MAD1L1: variants seen among roughly 807,000 people sequenced by gnomAD.
The protein encoded by MAD1L1 is mitotic spindle assembly checkpoint protein MAD1.
A neutral mutation model predicts 96.9 loss-of-function variants in MAD1L1; 95 were observed. The observed-to-expected ratio is 0.98, with a 90% CI of 0.83 to 1.16. MAD1L1 has a LOEUF of 1.16. Ranked by LOEUF, MAD1L1 falls within the 50% of genes most tolerant of loss-of-function variation. The probability of loss-of-function intolerance (pLI) is 0.00; values close to 1 mark genes in which losing one functional copy is unlikely to be tolerated. For missense variants in MAD1L1, 1,007 were observed against 954.4 expected, an observed-to-expected ratio of 1.06 and a Z score of -0.73; for synonymous variants, 473 against 396.6, an observed-to-expected ratio of 1.19 and a Z score of -2.29.
chr7:1,914,488 G>C (rs1788246340), intron 17 of MAD1L1, among the ~76,000 whole-genome samples: 2 of 152,346 alleles, frequency 1.3e-5, no homozygotes, highest in South Asian at 4.1e-4. Flanking sequence ...GGGTGCTTCT[G>C]GGAGCCAGAA....
At chr7:2,181,397 A>G (rs13224212) in intron 10 of MAD1L1, among the ~76,000 whole-genome samples, 22,025 of 152,308 alleles carry the variant, frequency 0.14, 1,825 homozygotes, top group Middle Eastern at 0.27. Context: ...CACGTTAGCC[A>G]TGAGAAATAC....
chr7:2,209,553 C>G (rs1185512239), intron 10 of MAD1L1, among the ~76,000 whole-genome samples: 2 of 152,226 alleles, frequency 1.3e-5, no homozygotes, highest in African/African-American at 2.4e-5. Flanking sequence ...GACCAAAACC[C>G]CAGTGTCAGC....
intron 10 of MAD1L1, among the ~76,000 whole-genome samples, chr7:2,204,488 GA>G (rs1387644662): frequency 6.6e-6 from 1 of 152,188 alleles, no homozygotes; most frequent in East Asian, 1.9e-4. Flanking sequence ...AGACTCCAGG[GA>G]TCACTGACCT....
At chr7:2,027,501 C>G (rs1783042197) in intron 12 of MAD1L1, among the ~76,000 whole-genome samples, 1 of 152,170 alleles carries the variant, frequency 6.6e-6, no homozygotes, top group Non-Finnish European at 1.5e-5. Flanking sequence ...GAGCATAACC[C>G]ATAGGCCATG....
chr7:1,911,140 G>C (rs541319551), intron 17 of MAD1L1, among the ~76,000 whole-genome samples: 1 of 151,956 alleles, frequency 6.6e-6, no homozygotes, highest in African/African-American at 2.4e-5. Context: ...TCCATCCCCC[G>C]CACCCCTTGA....
rs137892019 is a variant in MAD1L1, at chr7:1,822,849, G to A, written c.1999-6621C>T. The stretch of plus-strand genomic sequence containing the variant: ...TGATGTTGAGAACCGTACAGCTACA[G>A]CACAGCGTTATACGGCTCCTACGTC... On this transcript the variant is annotated intron_variant, in intron 18 of 18. Transcript: ENST00000265854. Among the ~76,000 whole-genome samples, 704 of 151,712 alleles carry A rather than the reference G, an allele frequency of 4.6e-3. 17 individuals carry two copies. The highest frequency in any genetic ancestry group is 0.04 in the Admixed American group (601 of 15,200).
chr7:1,948,788 C>T (rs1190633752), intron 16 of MAD1L1, among the ~76,000 whole-genome samples: 1 of 152,140 alleles, frequency 6.6e-6, no homozygotes, highest in East Asian at 1.9e-4. Flanking sequence ...AGGCTGAGAC[C>T]AGATCACCCT....
intron 10 of MAD1L1, among the ~76,000 whole-genome samples, chr7:2,205,302 G>A (rs910134693): frequency 6.6e-6 from 1 of 152,074 alleles, no homozygotes; most frequent in Non-Finnish European, 1.5e-5. Flanking sequence ...CTCTTCTACA[G>A]TGCCTGCTAC....
intron 10 of MAD1L1, among the ~76,000 whole-genome samples, chr7:2,155,836 G>C (rs563413066): frequency 6.6e-6 from 1 of 152,206 alleles, no homozygotes; most frequent in Non-Finnish European, 1.5e-5. Context: ...GGCACTGACA[G>C]AGCATCCCCT....
chr7:1,894,966 G>A lies in MAD1L1; in HGVS notation c.1998+3234C>T, dbSNP rs1583687134. Reference sequence around the variant, plus strand: ...TTAGGCCCCCTGGGGACCCTCAAGGGACAACGAACCCAACAGGATAAAACC... The same window carrying A: ...TTAGGCCCCCTGGGGACCCTCAAGGAACAACGAACCCAACAGGATAAAACC... On this transcript the variant is annotated intron_variant, in intron 18 of 18. Transcript: ENST00000265854. 2.0e-5 allele frequency among the ~76,000 whole-genome samples: 3 copies of A among 152,276 alleles called. No homozygotes were observed. In the Middle Eastern group the frequency reaches 0.01, roughly 518 times the overall value.
chr7:2,165,463 A>G (rs188728524), intron 10 of MAD1L1, among the ~76,000 whole-genome samples: 1 of 151,900 alleles, frequency 6.6e-6, no homozygotes, highest in African/African-American at 2.4e-5. Context: ...ACCCACGGTC[A>G]CACTCTGGGA....
intron 12 of MAD1L1, among the ~76,000 whole-genome samples, chr7:2,053,813 C>T (rs573015164): frequency 2.0e-5 from 3 of 152,344 alleles, no homozygotes; most frequent in African/African-American, 7.2e-5. Flanking sequence ...ATTAAGTGGA[C>T]GCAGGCCATG....
chr7:2,213,583 G>A (rs1056062012), intron 9 of MAD1L1, among the ~76,000 whole-genome samples: 1 of 152,210 alleles, frequency 6.6e-6, no homozygotes, highest in Non-Finnish European at 1.5e-5. Flanking sequence ...AAAGGATCCT[G>A]GGGTTGACTG....
intron 11 of MAD1L1, among the ~76,000 whole-genome samples, chr7:2,113,256 T>C (rs796942139): frequency 2.6e-5 from 4 of 152,228 alleles, no homozygotes; most frequent in African/African-American, 9.6e-5. Context: ...GATGCACCAA[T>C]AGATGCTTGA....
chr7:2,000,114 C>T (rs1280826955), intron 14 of MAD1L1, among the ~76,000 whole-genome samples: 1 of 152,044 alleles, frequency 6.6e-6, no homozygotes, highest in Non-Finnish European at 1.5e-5. Flanking sequence ...GTGCATCCAA[C>T]GTGTGGCAGG....
At position 2,146,830 on chromosome 7, in the gene MAD1L1, C is replaced by T. The variant is rs1029300086; in HGVS notation, c.1073+2322G>A. Among the ~76,000 whole-genome samples the T allele has an allele frequency of 3.3e-5, 5 of 152,122 alleles. No homozygotes were observed. Among genetic ancestry groups the T allele is most frequent in the Admixed American group, 6.5e-5 (1 of 15,274 alleles). ...AAATGTGCTCAGCTGTTCAACCGTG[C>T]GAGGCTCCCTGACCCCGCCACGGCA... On this transcript the variant is annotated intron_variant, in intron 11 of 18. Coordinates refer to ENST00000265854, the MANE Select transcript of MAD1L1 (RefSeq NM_001013836.2). This position sits in a 1 kb window ranked among gnomAD's most constrained non-coding sequence, Gnocchi z 6.2.
chr7:1,867,036 C>T (rs1297409117), intron 18 of MAD1L1, among the ~76,000 whole-genome samples: 2 of 152,226 alleles, frequency 1.3e-5, no homozygotes, highest in Non-Finnish European at 2.9e-5. Context: ...CAGAGTGGGT[C>T]ACCACAGCAG....
intron 13 of MAD1L1, among the ~76,000 whole-genome samples, chr7:2,005,025 C>T (rs964612101): frequency 6.6e-6 from 1 of 152,190 alleles, no homozygotes; most frequent in Non-Finnish European, 1.5e-5. Context: ...CTGGGCAGGG[C>T]CTGCTTGGAG....
intron 10 of MAD1L1, among the ~76,000 whole-genome samples, chr7:2,173,257 T>C (rs910132420): frequency 1.3e-5 from 2 of 152,174 alleles, no homozygotes; most frequent in Non-Finnish European, 2.9e-5. Flanking sequence ...TACCTGTGAC[T>C]TCTCAGGATG....
Sources: gnomAD v4.1 joint callset for allele counts (sites outside exome capture counted in the v4.1 genomes callset) on GRCh38, gnomAD v4.1.1 for gene constraint, Gnocchi (gnomAD v3.1) non-coding constraint, MANE v1.5 for transcripts, NCBI Gene and HGNC (gene_info 2026-07-23, HGNC 2026-07-21) for gene names.